Variants in XYLT1 observed in about 807,000 individuals in gnomAD.
XYLT1 encodes the protein xylosyltransferase 1.
Under a neutral mutation model 91.3 loss-of-function variants are expected in XYLT1, and 36 were observed. The observed-to-expected ratio is 0.39, with a 90% confidence interval of 0.30 to 0.52. The LOEUF is 0.52. XYLT1 is among the 20% of genes least tolerant of loss of function. XYLT1 has a pLI of 0.68. For missense variants in XYLT1, 1,242 were observed against 1,284.5 expected, an observed-to-expected ratio of 0.97 and a Z score of 0.51; for synonymous variants, 588 against 532.0, an observed-to-expected ratio of 1.11 and a Z score of -1.45.
Position 17,302,004 on chromosome 16 carries a change from A to G in XYLT1, c.403-42506T>C, listed in dbSNP as rs115016461. Among the ~76,000 whole-genome samples, 1,470 of 152,110 alleles carry G rather than the reference A, an allele frequency of 9.7e-3. 26 individuals carry two copies. The highest frequency in any genetic ancestry group is 0.033 in the African/African-American group (1,377 of 41,490). On this transcript the variant is annotated intron_variant, in intron 2 of 11. Transcript: ENST00000261381. ...AGGTGGGCGGATCATTTGAGGTCAG[A>G]AGTTCAAGACCAATCTGGCCAACAT...
At chr16:17,300,889 G>T (rs1596472224) in intron 2 of XYLT1, among the ~76,000 whole-genome samples, 1 of 152,144 alleles carries the variant, frequency 6.6e-6, no homozygotes, top group Admixed American at 6.5e-5. Flanking sequence ...AAGTTAGACT[G>T]TGCTTTAAGC....
intron 1 of XYLT1, among the ~76,000 whole-genome samples, chr16:17,423,733 A>G (rs2036277476): frequency 6.6e-6 from 1 of 151,828 alleles, no homozygotes; most frequent in South Asian, 2.1e-4. Context: ...CTCCTGCTTC[A>G]GTCTCCTGAG....
chr16:17,311,337 G>GTGGGCTGCTCA (rs1224259170), intron 2 of XYLT1, among the ~76,000 whole-genome samples: 7 of 152,264 alleles, frequency 4.6e-5, no homozygotes, highest in Non-Finnish European at 7.4e-5. Context: ...GAGCAGCCTC[G>GTGGGCTGCTCA]TGGGCTGCTC....
rs2032697074 is a variant in XYLT1, at chr16:17,208,416, G to A, written c.914-7762C>T. Among the ~76,000 whole-genome samples, 3 of 151,972 alleles carry A rather than the reference G, an allele frequency of 2.0e-5. No homozygotes were observed. The East Asian group carries it at 5.8e-4, about 29-fold the overall frequency. On this transcript the variant is annotated intron_variant, in intron 3 of 11. Coordinates refer to ENST00000261381, the MANE Select transcript of XYLT1 (RefSeq NM_022166.4). ...ATGTGAAATGCCTGGAACCAGAAGT[G>A]TTTCCAATTTTGAATTTTTTCAGAT...
At chr16:17,354,115 C>A (rs1272631736) in intron 2 of XYLT1, among the ~76,000 whole-genome samples, 1 of 150,868 alleles carries the variant, frequency 6.6e-6, no homozygotes, top group East Asian at 1.9e-4. Context: ...ATTTTTTTTT[C>A]ATTTCTAGGT....
At chr16:17,157,098 C>G (rs935799806) in intron 6 of XYLT1, among the ~76,000 whole-genome samples, 1 of 152,038 alleles carries the variant, frequency 6.6e-6, no homozygotes, top group Non-Finnish European at 1.5e-5. Flanking sequence ...TAGGTGTGCA[C>G]CACCACACCC....
chr16:17,268,764 C>G (rs1326982214), intron 2 of XYLT1, among the ~76,000 whole-genome samples: 2 of 151,596 alleles, frequency 1.3e-5, no homozygotes, highest in African/African-American at 2.4e-5. Context: ...CCTCCGCTTC[C>G]CGGGTTCAAG....
intron 2 of XYLT1, among the ~76,000 whole-genome samples, chr16:17,339,671 A>G: frequency 6.6e-6 from 1 of 152,192 alleles, no homozygotes; most frequent in Non-Finnish European, 1.5e-5. Context: ...AACACAGAGA[A>G]GGTGACACTA....
intron 1 of XYLT1, among the ~76,000 whole-genome samples, chr16:17,384,037 C>T (rs1428214548): frequency 4.6e-5 from 7 of 151,988 alleles, no homozygotes; most frequent in African/African-American, 1.2e-4. Flanking sequence ...CATGAGCCAC[C>T]GCGCCGGCCC....
chr16:17,262,618 T>C (rs2033740071), intron 2 of XYLT1, among the ~76,000 whole-genome samples: 1 of 152,156 alleles, frequency 6.6e-6, no homozygotes. Flanking sequence ...CCCTATCCCT[T>C]GTATATTAGG....
At chr16:17,400,617 G>A (rs1043916211) in intron 1 of XYLT1, among the ~76,000 whole-genome samples, 3 of 121,972 alleles carry the variant, frequency 2.5e-5, no homozygotes, top group Admixed American at 8.6e-5. Flanking sequence ...GGGAGGGAGG[G>A]AGGGAGGAAG....
intron 6 of XYLT1, among the ~76,000 whole-genome samples, chr16:17,155,400 T>C (rs1015942173): frequency 6.6e-6 from 1 of 152,214 alleles, no homozygotes; most frequent in Non-Finnish European, 1.5e-5. Flanking sequence ...ATACCTGAAG[T>C]CAGCCCTAAT....
chr16:17,212,746 CT>C (rs1198900879), intron 3 of XYLT1, among the ~76,000 whole-genome samples: 1 of 152,060 alleles, frequency 6.6e-6, no homozygotes, highest in Non-Finnish European at 1.5e-5. Context: ...GTTCAGAGCC[CT>C]GGGATATTCT....
intron 5 of XYLT1, chr16:17,193,626 AG>A (rs1246938658): frequency 6.6e-6 from 1 of 152,250 alleles, no homozygotes; most frequent in East Asian, 1.9e-4. Context: ...GTATCCCCCA[AG>A]TTTTCAGTGC....
chr16:17,431,724 G>A (rs189695647), intron 1 of XYLT1, among the ~76,000 whole-genome samples: 22 of 152,320 alleles, frequency 1.4e-4, no homozygotes, highest in Admixed American at 9.8e-4. Context: ...GAATCCATTC[G>A]AAGGCAGGCC....
chr16:17,161,608 T>G (rs1160627939), intron 5 of XYLT1, among the ~76,000 whole-genome samples: 1 of 152,148 alleles, frequency 6.6e-6, no homozygotes, highest in African/African-American at 2.4e-5. Context: ...CTACATAATA[T>G]TTAGTTCTCT....
chr16:17,191,622 G>C (rs574208070), intron 5 of XYLT1, among the ~76,000 whole-genome samples: 1 of 152,194 alleles, frequency 6.6e-6, no homozygotes, highest in Non-Finnish European at 1.5e-5. Flanking sequence ...TAGTCTGGGG[G>C]TTAGTCTTGC....
chr16:17,125,494 T>G (rs544105293), intron 10 of XYLT1, among the ~76,000 whole-genome samples: 1 of 152,190 alleles, frequency 6.6e-6, no homozygotes, highest in South Asian at 2.1e-4. Flanking sequence ...TCCCTGCAAC[T>G]CGAGTACTCC....
At chr16:17,311,730 G>A (rs149101826) in intron 2 of XYLT1, among the ~76,000 whole-genome samples, 84 of 150,348 alleles carry the variant, frequency 5.6e-4, no homozygotes, top group African/African-American at 1.8e-3. Flanking sequence ...GCCCGAGACT[G>A]GGTAATTTAT....
Sources: allele counts gnomAD v4.1 joint callset (sites outside exome capture counted in the v4.1 genomes callset), GRCh38; gene constraint gnomAD v4.1.1; transcripts MANE v1.5; gene names NCBI Gene and HGNC (gene_info 2026-07-23, HGNC 2026-07-21).